Variants in DPP10 observed in about 807,000 individuals in gnomAD.
The protein encoded by DPP10 is dipeptidyl peptidase like 10.
DPP10 carries 33 observed loss-of-function variants against 120.9 expected under a neutral mutation model. That is an observed-to-expected ratio of 0.27 (90% confidence interval 0.21 to 0.37). The LOEUF (loss-of-function observed/expected upper bound fraction) is 0.37, where lower values mean the gene tolerates loss of function less well. Among genes scored for constraint, DPP10 ranks in the 10% least tolerant of loss-of-function variants. The pLI is 1.00. For missense variants in DPP10, 816 were observed against 942.8 expected (o/e 0.87, Z 1.76); for synonymous variants, 337 against 326.1 (o/e 1.03, Z -0.36).
At chr2:115,096,747 A>C (rs1296992764) in intron 1 of DPP10, among the ~76,000 whole-genome samples, 1 of 152,144 alleles carries the variant, frequency 6.6e-6, no homozygotes, top group Non-Finnish European at 1.5e-5. Flanking sequence ...CCTAAGTTGG[A>C]AAATGGTCTA....
intron 1 of DPP10, among the ~76,000 whole-genome samples, chr2:115,066,451 GA>G (rs1288882078): frequency 1.3e-5 from 2 of 152,154 alleles, no homozygotes; most frequent in Non-Finnish European, 2.9e-5. Flanking sequence ...TATAAAATTA[GA>G]GCATGCCTCC....
chr2:115,290,002 C>T (rs1281501752), intron 1 of DPP10, among the ~76,000 whole-genome samples: 3 of 151,998 alleles, frequency 2.0e-5, no homozygotes, highest in Non-Finnish European at 4.4e-5. Context: ...TAAATGGGAC[C>T]TAATTAACTA....
At chr2:114,675,606 C>T (rs1480925976) in intron 1 of DPP10, among the ~76,000 whole-genome samples, 2 of 152,128 alleles carry the variant, frequency 1.3e-5, no homozygotes, top group Admixed American at 6.6e-5. Context: ...AAGCTTAGCT[C>T]TGCAAAGAAC....
chr2:115,477,037 T>A (rs1415357880), intron 3 of DPP10, among the ~76,000 whole-genome samples: 1 of 152,134 alleles, frequency 6.6e-6, no homozygotes, highest in African/African-American at 2.4e-5. Flanking sequence ...AATCCACACA[T>A]GAGAAACCCA....
chr2:115,815,855 T>C, intron 21 of DPP10, 126 bp downstream of exon 21: 1 of 992,092 alleles, frequency 1.0e-6, no homozygotes, highest in Non-Finnish European at 1.5e-6. Flanking sequence ...TCCATACTTA[T>C]TAACATGGAA....
At chr2:115,384,448 AGAAGAAGAAGGAAGAAGAAG>A (rs1306700747) in intron 3 of DPP10, among the ~76,000 whole-genome samples, 1 of 125,092 alleles carries the variant, frequency 8.0e-6, no homozygotes, top group Admixed American at 9.4e-5. Context: ...AAGAGGAGGA[AGAAGAAGAAGGAAGAAGAAG>A]GAAGAAGAAG....
chr2:115,012,410 A>G (rs1279659134), intron 1 of DPP10, among the ~76,000 whole-genome samples: 1 of 151,966 alleles, frequency 6.6e-6, no homozygotes, highest in African/African-American at 2.4e-5. Context: ...AAACACAACC[A>G]AGGACCCTCA....
At chr2:115,704,029 A>G (rs1575565434) in intron 7 of DPP10, among the ~76,000 whole-genome samples, 4 of 152,084 alleles carry the variant, frequency 2.6e-5, no homozygotes, top group Admixed American at 2.6e-4. Flanking sequence ...TGTACTTAAC[A>G]GACTCCCACA....
At chr2:115,034,749 A>G (rs541464358) in intron 1 of DPP10, among the ~76,000 whole-genome samples, 2 of 152,312 alleles carry the variant, frequency 1.3e-5, no homozygotes, top group African/African-American at 4.8e-5. Context: ...CTCACTTACT[A>G]TATCCAACTG....
At chr2:114,991,171 G>C (rs549481915) in intron 1 of DPP10, among the ~76,000 whole-genome samples, 1 of 152,048 alleles carries the variant, frequency 6.6e-6, no homozygotes, top group African/African-American at 2.4e-5. Context: ...GGTTATGCTG[G>C]AGTAAAATAT....
chr2:115,157,725 G>T (rs1453837234), intron 1 of DPP10, among the ~76,000 whole-genome samples: 1 of 152,162 alleles, frequency 6.6e-6, no homozygotes, highest in Admixed American at 6.5e-5. Flanking sequence ...GATAGCAGAA[G>T]ATATGAACTA....
At chr2:115,210,208 C>A (rs935422909) in intron 1 of DPP10, among the ~76,000 whole-genome samples, 1 of 152,008 alleles carries the variant, frequency 6.6e-6, no homozygotes, top group Non-Finnish European at 1.5e-5. Flanking sequence ...GTGTGGTGTT[C>A]CCCATCCTGT....
chr2:114,702,464 G>A (rs1700443240), intron 1 of DPP10, among the ~76,000 whole-genome samples: 1 of 152,002 alleles, frequency 6.6e-6, no homozygotes, highest in Admixed American at 6.6e-5. Flanking sequence ...CTCTGGAAAT[G>A]GACCTGCAGA....
chr2:115,037,864 T>C (rs1704336859), intron 1 of DPP10, among the ~76,000 whole-genome samples: 1 of 152,212 alleles, frequency 6.6e-6, no homozygotes, highest in African/African-American at 2.4e-5. Flanking sequence ...AGAGTAATAA[T>C]CTAGTCTATA....
chr2:115,484,689 G>T (rs2421104), intron 3 of DPP10, among the ~76,000 whole-genome samples: 42,367 of 151,954 alleles, frequency 0.28, 6,644 homozygotes, highest in East Asian at 0.41. Context: ...TAAGATATTA[G>T]TCATGCCCCT....
chr2:115,587,089 C>CTTTTTTT (rs756810925), intron 5 of DPP10, among the ~76,000 whole-genome samples: 648 of 103,914 alleles, frequency 6.2e-3, no homozygotes, highest in African/African-American at 9.2e-3. Context: ...TTTTCTCTTT[C>CTTTTTTT]TTTTTTTTTT....
rs531335703 is a variant in DPP10 at position 115,632,651 on chromosome 2, G to A, written c.442-57036G>A. On this transcript the variant is annotated intron_variant, in intron 5 of 25. Coordinates refer to ENST00000410059, the MANE Select transcript of DPP10 (RefSeq NM_020868.6). ...CTGGGTTGGAAATTCTTTTCTTTAA[G>A]AATGGGAGAAAATTTTTACAATCTA... Among the ~76,000 whole-genome samples, 78 of 152,222 alleles carry A rather than the reference G, an allele frequency of 5.1e-4. 1 individual carries two copies. The highest frequency in any genetic ancestry group is 1.8e-3 in the African/African-American group (76 of 41,544).
At chr2:115,269,341 A>G (rs540659177) in intron 1 of DPP10, among the ~76,000 whole-genome samples, 1 of 152,304 alleles carries the variant, frequency 6.6e-6, no homozygotes, top group Admixed American at 6.5e-5. Context: ...TTTGTTATCT[A>G]TTGCTCCATA....
chr2:115,704,588 T>G (rs1365877754), intron 7 of DPP10, among the ~76,000 whole-genome samples: 1 of 152,038 alleles, frequency 6.6e-6, no homozygotes, highest in African/African-American at 2.4e-5. Context: ...GATGAAAGAC[T>G]TATTGTTATT....
Sources: gnomAD v4.1 joint callset for allele counts (sites outside exome capture counted in the v4.1 genomes callset) on GRCh38, gnomAD v4.1.1 for gene constraint, MANE v1.5 for transcripts, NCBI Gene and HGNC (gene_info 2026-07-23, HGNC 2026-07-21) for gene names.